The following GPI variants were observed in gnomAD, a reference collection of about 807,000 sequenced individuals.
GPI encodes D-hexose-6-phosphate anomerase.
Under a neutral mutation model 75.8 loss-of-function variants are expected in GPI, and 56 were observed. The ratio of observed to expected loss-of-function variants is 0.74; its 90% CI spans 0.60 to 0.92. The LOEUF (loss-of-function observed/expected upper bound fraction) is 0.92, where lower values mean the gene tolerates loss of function less well. Ranked by LOEUF, GPI falls within the 40% of genes least tolerant of loss-of-function variation. The pLI is 0.00. For synonymous variants in GPI, 288 were observed against 285.4 expected (o/e 1.01, Z -0.09); for missense variants, 638 against 741.0 (o/e 0.86, Z 1.61).
intron 1 of GPI, 127 bp downstream of exon 1, chr19:34,365,515 G>T: frequency 7.1e-7 from 1 of 1,416,290 alleles, no homozygotes. Flanking sequence ...GCCACGGACT[G>T]GGGCCCAGGC....
At chr19:34,382,158 T>C (rs1160701914) in intron 9 of GPI, among the ~76,000 whole-genome samples, 1 of 152,120 alleles carries the variant, frequency 6.6e-6, no homozygotes, top group African/African-American at 2.4e-5. Flanking sequence ...AAGCCCAGGG[T>C]GCAGGGGTGC....
In GPI at chr19:34,368,629, C is replaced by T. The variant is rs756509969; in HGVS notation, c.329C>T (p.Pro110Leu). Residue 110 changes from proline to leucine, a missense_variant, in exon 4 of 18, where the codon CCC (proline) becomes CTC (leucine). Pro to Leu is a moderately conservative substitution (Grantham distance 98). Transcript: ENST00000356487. ...GCTCTGCGGAACCGGTCAAACACAC[C>T]CATCCTGGTAGACGGCAAGGATGTG... ...HVALRNRSNT[P>L]ILVDGKDVMP... 6 of 1,613,828 alleles carry T rather than the reference C, an allele frequency of 3.7e-6. No individual in the cohort carries two copies. Among genetic ancestry groups the T allele is most frequent in the Admixed American group, 1.7e-5 (1 of 60,006 alleles).
intron 4 of GPI, among the ~76,000 whole-genome samples, 165 bp from the exon 5 acceptor site, chr19:34,377,320 AAAAAAAAAAAAAAAAAAT>A (rs1375955557): frequency 2.1e-5 from 2 of 93,344 alleles, no homozygotes; most frequent in East Asian, 7.6e-4. Flanking sequence ...AAAAAAAAAA[AAAAAAAAAAAAAAAAAAT>A]ATATATATAT....
intron 7 of GPI, 121 bp from the exon 8 acceptor site, chr19:34,379,397 T>G (rs1040754883): frequency 2.2e-6 from 2 of 911,778 alleles, no homozygotes; most frequent in Non-Finnish European, 3.7e-6. Context: ...TCTCCAACAG[T>G]CTCAGAACCA....
rs1289457393 is a variant in GPI at position 34,384,778 on chromosome 19, C to CA, written c.804+3260dup. The stretch of plus-strand genomic sequence containing the variant: ...GATGGGTAGGCCAGGCACAGTGGCT[C>CA]ACACCTATAATCCCAGCAATTTGGA... On this transcript the variant is annotated intron_variant, in intron 9 of 17. Coordinates refer to ENST00000356487, the MANE Select transcript of GPI (RefSeq NM_000175.5). 2.0e-5 allele frequency among the ~76,000 whole-genome samples: 3 copies of CA among 152,150 alleles called. No homozygotes were observed. The East Asian group carries it at 5.8e-4, about 29-fold the overall frequency.
intron 14 of GPI, 77 bp downstream of exon 14, chr19:34,396,734 G>A: frequency 1.8e-6 from 2 of 1,121,444 alleles, no homozygotes; most frequent in African/African-American, 1.5e-5. Context: ...TGGTGCATTG[G>A]TTGGCAATCA....
In GPI at chr19:34,365,235, G is replaced by C. The variant is rs1429999100; in HGVS notation, c.-32G>C. ...GCCGGCGCTCCTTCCTCCTCGGCTC[G>C]CGTCTCACTCAGTGTACCTTCTAGT... On this transcript the variant is annotated 5_prime_UTR_variant, in exon 1 of 18. Coordinates refer to ENST00000356487, the MANE Select transcript of GPI (RefSeq NM_000175.5). 3 of 1,462,514 alleles carry C rather than the reference G, an allele frequency of 2.1e-6. No individual in the cohort carries two copies. The highest frequency in any genetic ancestry group is 1.4e-5 in the South Asian group (1 of 70,762). 90.6% of individuals were successfully genotyped at this position (1,462,514 alleles called of 1,614,324 possible). A position where few individuals can be genotyped will look rare whatever the true frequency, so the allele number is the denominator to read the frequency against.
chr19:34,379,618 G>C (rs2074610798), intron 8 of GPI, 56 bp downstream of exon 8: 1 of 1,388,478 alleles, frequency 7.2e-7, no homozygotes, highest in African/African-American at 1.4e-5. Flanking sequence ...AGCATGTCCA[G>C]GTCATGGCCT....
intron 1 of GPI, chr19:34,365,987 T>C (rs893046536): frequency 1.9e-6 from 1 of 533,218 alleles, no homozygotes; most frequent in Non-Finnish European, 3.6e-6. Context: ...GGGGAGCGAC[T>C]GTGGCTCCGG....
At position 34,394,038 on chromosome 19, in the gene GPI, T is replaced by C; in HGVS notation, c.1034T>C (p.Leu345Pro). The C allele has an allele frequency of 6.2e-7, 1 of 1,612,794 alleles. No individual in the cohort carries two copies. The highest frequency in any genetic ancestry group is 8.5e-7 in the Non-Finnish European group (1 of 1,179,828). Residue 345 changes from leucine (L) to proline (P), a missense_variant, in exon 12 of 18, where the codon CTG becomes CCG. Leu to Pro is a moderately conservative substitution (Grantham distance 98). Coordinates refer to ENST00000356487, the MANE Select transcript of GPI (RefSeq NM_000175.5). ...GCCATGCTGCCCTATGACCAGTACC[T>C]GCACCGCTTTGCTGCGTACTTCCAG... ...THAMLPYDQY[L>P]HRFAAYFQQG...
At chr19:34,370,004 CTT>C (rs1352623374) in intron 4 of GPI, among the ~76,000 whole-genome samples, 1 of 152,272 alleles carries the variant, frequency 6.6e-6, no homozygotes, top group Non-Finnish European at 1.5e-5. Context: ...GTCATCTCCT[CTT>C]TGAAACACGT....
intron 9 of GPI, among the ~76,000 whole-genome samples, chr19:34,381,789 C>T (rs146288055): frequency 2.4e-4 from 36 of 152,214 alleles, no homozygotes; most frequent in Admixed American, 2.2e-3. Flanking sequence ...TGGGGTAACC[C>T]GAGTCCCCCT....
intron 4 of GPI, among the ~76,000 whole-genome samples, chr19:34,373,817 T>G (rs2145345166): frequency 6.6e-6 from 1 of 152,256 alleles, no homozygotes; most frequent in East Asian, 1.9e-4. Context: ...GATGGCTCAC[T>G]AGCAGTGCTG....
rs1218974073 is a variant in GPI, at chr19:34,393,692, G to T, written c.866-36G>T. On this transcript the variant is annotated intron_variant, in intron 10 of 17. Coordinates refer to ENST00000356487, the MANE Select transcript of GPI (RefSeq NM_000175.5). The surrounding 1 kb of genome is among the most constrained non-coding windows in gnomAD (Gnocchi z 4.4). Reference sequence around the variant, plus strand: ...GCCCACTGCCCACAGGACGCAGGGTGTGGCCACTTCTGTTGACTCTGCTTT... The same window carrying T: ...GCCCACTGCCCACAGGACGCAGGGTTTGGCCACTTCTGTTGACTCTGCTTT... The T allele has an allele frequency of 6.2e-7, 1 of 1,610,184 alleles. No individual in the cohort carries two copies. The highest frequency in any genetic ancestry group is 8.5e-7 in the Non-Finnish European group (1 of 1,176,908).
At chr19:34,398,917 G>T in intron 14 of GPI, 1 of 286,360 alleles carries the variant, frequency 3.5e-6, no homozygotes, top group Non-Finnish European at 6.9e-6. Context: ...ATGTTGGTCA[G>T]GCTGGTCTCG....
rs750810428 is a variant in GPI, at chr19:34,379,570, C to G, written c.750+8C>G. 1 of 1,608,672 alleles carries G rather than the reference C, an allele frequency of 6.2e-7. No homozygotes were observed. The highest frequency in any genetic ancestry group is 1.7e-5 in the Admixed American group (1 of 60,018). Reference sequence around the variant, plus strand: ...GCCCTGTCTACTAACACAGTAAGTGCCCCCGTGGTCCCCTGTACTGCCTTC... The same window carrying G: ...GCCCTGTCTACTAACACAGTAAGTGGCCCCGTGGTCCCCTGTACTGCCTTC... On this transcript the variant is annotated splice_region_variant and intron_variant, in intron 8 of 17. Coordinates refer to ENST00000356487, the MANE Select transcript of GPI (RefSeq NM_000175.5).
chr19:34,366,761 CCTCAGTATCGTCT>C lies in GPI; in HGVS notation c.214-19_214-7del. On this transcript the variant is annotated splice_polypyrimidine_tract_variant and intron_variant, in intron 2 of 17. Transcript: ENST00000356487. ...GGTGGCCAGTGTGGGTGGGACCAGG[CCTCAGTATCGTCT>C]CTTCCTAGGCCAAGTCCAGGGGCGT... is the stretch of plus-strand genomic sequence containing the variant. 6.3e-7 allele frequency: 1 copy of C among 1,594,082 alleles called. No individual in the cohort carries two copies. The highest frequency in any genetic ancestry group is 8.6e-7 in the Non-Finnish European group (1 of 1,163,194).
In GPI at chr19:34,381,915, G is replaced by A. The variant is rs547911636; in HGVS notation, c.804+396G>A. Among the ~76,000 whole-genome samples the A allele has an allele frequency of 2.9e-4, 44 of 152,318 alleles. No homozygotes were observed. In the South Asian group the frequency reaches 8.9e-3, roughly 31 times the overall value. On this transcript the variant is annotated intron_variant, in intron 9 of 17. Transcript: ENST00000356487. ...GTGAGGCATGAGGTATGACCGGGTA[G>A]GCCTGGAAAGGAGCAACAGGAGCTG...
At chr19:34,388,936 T>A (rs2074779890) in intron 9 of GPI, among the ~76,000 whole-genome samples, 1 of 151,416 alleles carries the variant, frequency 6.6e-6, no homozygotes, top group Non-Finnish European at 1.5e-5. Flanking sequence ...CTACAAAAAA[T>A]TTAAAAAATA....
Sources: allele counts gnomAD v4.1 joint callset (sites outside exome capture counted in the v4.1 genomes callset), GRCh38; gene constraint gnomAD v4.1.1; non-coding constraint Gnocchi (gnomAD v3.1); transcripts MANE v1.5; gene names NCBI Gene and HGNC (gene_info 2026-07-23, HGNC 2026-07-21).